PDLIM7: variants seen among roughly 807,000 people sequenced by gnomAD.
PDLIM7 encodes PDZ and LIM domain protein 7.
In PDLIM7, 37 loss-of-function variants were observed where a neutral mutation model predicts 53.9. The observed-to-expected ratio is 0.69, with a 90% CI of 0.53 to 0.90. PDLIM7 has a LOEUF of 0.90. Among genes scored for constraint, PDLIM7 ranks in the 40% least tolerant of loss-of-function variants. The pLI, the probability that PDLIM7 is intolerant of heterozygous loss-of-function variation, is 0.00. For missense variants in PDLIM7, 617 were observed against 638.5 expected (o/e 0.97, Z 0.36); for synonymous variants, 300 against 261.3 (o/e 1.15, Z -1.43).
chr5:177,484,333 C>T, intron 10 of PDLIM7, 143 bp from the exon 11 acceptor site: 1 of 958,548 alleles, frequency 1.0e-6, no homozygotes. Context: ...CCCACACCTC[C>T]ATCTCCAACT....
intron 2 of PDLIM7, among the ~76,000 whole-genome samples, chr5:177,495,881 C>A (rs907796630): frequency 2.0e-5 from 3 of 151,902 alleles, no homozygotes; most frequent in Non-Finnish European, 2.9e-5. Context: ...TGGGGAGAGA[C>A]CCCTTCTACC....
intron 9 of PDLIM7, among the ~76,000 whole-genome samples, chr5:177,488,962 G>A (rs1052276999): frequency 6.6e-6 from 1 of 152,146 alleles, no homozygotes; most frequent in Non-Finnish European, 1.5e-5. Flanking sequence ...TCTAGAATCC[G>A]GCACGCTGAT....
At chr5:177,487,899 A>T in intron 10 of PDLIM7, 169 bp downstream of exon 10, 1 of 531,690 alleles carries the variant, frequency 1.9e-6, no homozygotes, top group Non-Finnish European at 3.1e-6. Context: ...GTCATTTGTT[A>T]AGAGCATCCT....
Position 177,485,506 on chromosome 5 carries a change from A to G in PDLIM7, c.1051-1316T>C, listed in dbSNP as rs575436477. ...TGGTTTCTTCCCTTGTGAACTGGGA[A>G]GCTAATCCCAGCCTTGTGAGGCTGT... On this transcript the variant is annotated intron_variant, in intron 10 of 12. Transcript: ENST00000355841. 9.2e-5 allele frequency among the ~76,000 whole-genome samples: 14 copies of G among 152,320 alleles called. No individual in the cohort carries two copies. The South Asian group carries it at 2.5e-3, about 27-fold the overall frequency.
rs770819150 is a variant in PDLIM7 at position 177,492,683 on chromosome 5, G to T, written c.97-6C>A. 1 of 1,600,532 alleles carries T rather than the reference G, an allele frequency of 6.2e-7. No individual in the cohort carries two copies. Among genetic ancestry groups the T allele is most frequent in the Non-Finnish European group, 8.5e-7 (1 of 1,177,698 alleles). ...GCTTTGCCCCCAGGAGTGAGCTGTG[G>T]AGAGAGAAGCAAAGTGACCGAGGCC... On this transcript the variant is annotated splice_region_variant and splice_polypyrimidine_tract_variant and intron_variant, in intron 2 of 12. Transcript: ENST00000355841.
Position 177,483,685 on chromosome 5 carries a change from CCTT to C in PDLIM7, c.1330_1332del (p.Lys444del). 1.2e-6 allele frequency: 2 copies of C among 1,613,314 alleles called. No homozygotes were observed. Among genetic ancestry groups the C allele is most frequent in the South Asian group, 1.1e-5 (1 of 91,074 alleles). ...GCATGGCTCTTGCAGAGAGGCCTGTCCTTCTTGGAGTAGAAGGTCTTTCCTTCC... is the reference window on the plus strand; with the variant it reads ...GCATGGCTCTTGCAGAGAGGCCTGTCCTTGGAGTAGAAGGTCTTTCCTTCC... On this transcript the variant is annotated inframe_deletion, in exon 13 of 13. Transcript: ENST00000355841.
Position 177,489,554 on chromosome 5 carries a change from C to T in PDLIM7, c.708G>A (p.Pro236=), listed in dbSNP as rs78448898. ...GGGTCAGCACTGTGCTCGTTTTGTC[C>T]GGGGCATAGCGCTCGGCAAACGCAG... The part of the protein sequence containing the change: ...VDPAFAERYA[P]DKTSTVLTRH... The change falls in exon 9 of 13, where the codon CCG becomes CCA. Residue 236 remains proline (P), a synonymous_variant. Transcript: ENST00000355841. 2,310 of 1,610,658 alleles carry T rather than the reference C, an allele frequency of 1.4e-3. 25 individuals carry two copies. The African/African-American group carries it at 0.024, about 17-fold the overall frequency.
At position 177,488,070 on chromosome 5, in the gene PDLIM7, C is replaced by T. The variant is rs774181724; in HGVS notation, c.1048G>A (p.Gly350Ser). ...SCAKCKKKIT[G>S]EIMHALKMTW... is the part of the protein sequence containing the mutation. ...CCCCGCCAGCCAGCCCTACTCACGCCTGTAATCTTCTTCTTGCACTTGGCA... is the reference window on the plus strand; with the variant it reads ...CCCCGCCAGCCAGCCCTACTCACGCTTGTAATCTTCTTCTTGCACTTGGCA... Residue 350 changes from glycine (G) to serine (S), a missense_variant and splice_region_variant, in exon 10 of 13, where the codon GGC (glycine) becomes AGC (serine). Transcript: ENST00000355841. The T allele has an allele frequency of 1.9e-6, 3 of 1,594,048 alleles. No homozygotes were observed. In the South Asian group the frequency reaches 3.4e-5, roughly 18 times the overall value.
In PDLIM7 at chr5:177,488,067, C is replaced by A; in HGVS notation, c.1050+1G>T. The A allele has an allele frequency of 6.3e-7, 1 of 1,588,398 alleles. No homozygotes were observed. The highest frequency in any genetic ancestry group is 8.6e-7 in the Non-Finnish European group (1 of 1,166,324). ...CCTCCCCGCCAGCCAGCCCTACTCA[C>A]GCCTGTAATCTTCTTCTTGCACTTG... is the stretch of plus-strand genomic sequence containing the variant. On this transcript the variant is annotated splice_donor_variant, in intron 10 of 12. Coordinates refer to ENST00000355841, the MANE Select transcript of PDLIM7 (RefSeq NM_005451.5). LOFTEE classifies it high-confidence loss of function.
chr5:177,490,395 G>A (rs73349168), intron 7 of PDLIM7: 8 of 1,487,052 alleles, frequency 5.4e-6, no homozygotes, highest in African/African-American at 2.8e-5. Context: ...GGCACGAAAG[G>A]GGGGGTGAGG....
At chr5:177,491,303 G>A (rs1758768184) in intron 5 of PDLIM7, 157 bp from the exon 6 acceptor site, 8 of 1,463,300 alleles carry the variant, frequency 5.5e-6, no homozygotes, top group African/African-American at 1.4e-5. Flanking sequence ...TGAGAGGACA[G>A]GAGGGCGAAG....
chr5:177,495,539 C>T (rs184848500), intron 2 of PDLIM7, among the ~76,000 whole-genome samples: 51 of 152,348 alleles, frequency 3.3e-4, no homozygotes, highest in Admixed American at 2.4e-3. Context: ...TTTGTTGTGT[C>T]TCACAACTGG....
chr5:177,490,467 A>AGAGAGGGCAGCCGGCTG (rs1758692261), intron 7 of PDLIM7: 1 of 1,543,576 alleles, frequency 6.5e-7, no homozygotes, highest in African/African-American at 1.4e-5. Flanking sequence ...AGAGGGAGGC[A>AGAGAGGGCAGCCGGCTG]GAGAGGGCAG....
Position 177,483,665 on chromosome 5 carries a change from G to T in PDLIM7, c.1353C>A (p.Ser451Arg). 1.9e-6 allele frequency: 3 copies of T among 1,611,492 alleles called. No individual in the cohort carries two copies. Among genetic ancestry groups the T allele is most frequent in the Non-Finnish European group, 2.5e-6 (3 of 1,177,766 alleles). ...YSKKDRPLCK[S>R]HAFSHV ...GGGCTCACACATGAGAGAAGGCATG[G>T]CTCTTGCAGAGAGGCCTGTCCTTCT... The change falls in exon 13 of 13, where the codon AGC becomes AGA. Residue 451 changes from serine to arginine, a missense_variant. Coordinates refer to ENST00000355841, the MANE Select transcript of PDLIM7 (RefSeq NM_005451.5).
intron 7 of PDLIM7, chr5:177,490,633 G>T: frequency 7.0e-7 from 1 of 1,426,934 alleles, no homozygotes; most frequent in Non-Finnish European, 9.6e-7. Flanking sequence ...GTGGAAGGAA[G>T]GAGAGATGGA....
chr5:177,483,456 G>A lies in PDLIM7; in HGVS notation c.*188C>T, dbSNP rs1268780970. The A allele has an allele frequency of 2.1e-5, 12 of 577,380 alleles. No homozygotes were observed. The highest frequency in any genetic ancestry group is 2.8e-5 in the East Asian group (1 of 35,362). The allele number at this position is 577,380 out of a possible 1,614,324, so 35.8% of individuals were successfully genotyped here. On this transcript the variant is annotated 3_prime_UTR_variant, in exon 13 of 13. Transcript: ENST00000355841. ...AAAGGGGGCTGGTGTGGCCAGCACC[G>A]GTGTGCTGTGGTGGTGGAGGGAGTG...
Position 177,489,410 on chromosome 5 carries a change from C to T in PDLIM7, c.852G>A (p.Gln284=). ...CCACCCACCGGATGACCTTGTGGCA[C>T]TGGTGACACACGGGAGTCTTGCCGT... ...SNNGKTPVCH[Q]CHKVIRGRYL... Residue 284 remains glutamine, a synonymous_variant, in exon 9 of 13, where the codon CAG becomes CAA. Transcript: ENST00000355841. The T allele has an allele frequency of 6.3e-7, 1 of 1,590,548 alleles. No homozygotes were observed. The highest frequency in any genetic ancestry group is 1.1e-5 in the South Asian group (1 of 87,514).
intron 7 of PDLIM7, chr5:177,490,221 A>G: frequency 6.9e-7 from 1 of 1,448,850 alleles, no homozygotes; most frequent in Non-Finnish European, 9.1e-7. Flanking sequence ...CCAGGTCCAC[A>G]AAGATAGAAG....
In PDLIM7 at chr5:177,496,451, C is replaced by A; in HGVS notation, c.62G>T (p.Gly21Val). ...PAPWGFRLQG[G>V]KDFNVPLSIS... ...GGAGAGGGGCACATTGAAGTCCTTGCCCCCTTGCAGCCGGAAGCCCCAAGG... is the reference window on the plus strand; with the variant it reads ...GGAGAGGGGCACATTGAAGTCCTTGACCCCTTGCAGCCGGAAGCCCCAAGG... Residue 21 changes from glycine to valine, a missense_variant, in exon 2 of 13, where the codon GGC becomes GTC. Physicochemically the swap from Gly to Val is moderately radical, Grantham distance 109. Transcript: ENST00000355841. 1 of 1,603,574 alleles carries A rather than the reference C, an allele frequency of 6.2e-7. No homozygotes were observed. Among genetic ancestry groups the A allele is most frequent in the Non-Finnish European group, 8.5e-7 (1 of 1,174,920 alleles).
Sources: allele counts gnomAD v4.1 joint callset (sites outside exome capture counted in the v4.1 genomes callset), GRCh38; gene constraint gnomAD v4.1.1; transcripts MANE v1.5; gene names NCBI Gene and HGNC (gene_info 2026-07-23, HGNC 2026-07-21).